The following CUL4B variants were observed in gnomAD, a reference collection of about 807,000 sequenced individuals.
The protein encoded by CUL4B is cullin-4B.
CUL4B carries 1 observed loss-of-function variant against 69.2 expected under a neutral mutation model. The observed-to-expected ratio is 0.01, with a 90% CI of 0.01 to 0.07. The LOEUF (loss-of-function observed/expected upper bound fraction) is 0.07. Among genes scored for constraint, CUL4B ranks in the 10% least tolerant of loss-of-function variants. CUL4B has a pLI of 1.00. For synonymous variants in CUL4B, 237 were observed against 223.2 expected, an observed-to-expected ratio of 1.06 and a Z score of -0.55; for missense variants, 328 against 638.8, an observed-to-expected ratio of 0.51 and a Z score of 5.24.
intron 2 of CUL4B, among the ~76,000 whole-genome samples, chrX:120,550,970 G>A (rs1000894946): frequency 9.0e-6 from 1 of 111,048 alleles, no homozygotes; most frequent in Admixed American, 9.5e-5. Flanking sequence ...AACTAATAAT[G>A]TCTGTCACAA....
intron 18 of CUL4B, among the ~76,000 whole-genome samples, chrX:120,531,229 G>T (rs1029129404): frequency 9.2e-6 from 1 of 109,027 alleles, no homozygotes; most frequent in Non-Finnish European, 1.9e-5. Context: ...GGCTGAGGCA[G>T]GATAATCGCT....
chrX:120,546,059 G>A (rs1924304282), intron 4 of CUL4B, among the ~76,000 whole-genome samples: 1 of 111,444 alleles, frequency 9.0e-6, no homozygotes, highest in African/African-American at 3.3e-5. Context: ...AGTGACAGAC[G>A]AAATGTAGCT....
At chrX:120,564,512 A>T (rs1925434718), upstream of CUL4B, among the ~76,000 whole-genome samples, 1 of 111,699 alleles carries the variant, frequency 9.0e-6, no homozygotes, top group Non-Finnish European at 1.9e-5. Context: ...AGGATAAGGC[A>T]GAAGAATCGC....
chrX:120,559,670 G>T, intron 1 of CUL4B: 1 of 457,928 alleles, frequency 2.2e-6, no homozygotes, highest in Non-Finnish European at 3.3e-6. Flanking sequence ...TGCATTTCTA[G>T]GCATTGGATA....
chrX:120,534,252 T>A (rs367642288), intron 17 of CUL4B, among the ~76,000 whole-genome samples: 102 of 106,288 alleles, frequency 9.6e-4, no homozygotes, highest in African/African-American at 3.5e-3. Flanking sequence ...CATGCACTTG[T>A]AGTCCCATCT....
chrX:120,526,741 A>G lies in CUL4B; in HGVS notation c.*20T>C. On this transcript the variant is annotated 3_prime_UTR_variant, in exon 20 of 20. Coordinates refer to ENST00000371322, the MANE Select transcript of CUL4B (RefSeq NM_001079872.2). ...CCACTGGCTACTGCATATGACACCAAATGCTGCAAGGCCAACATTCTATGC... is the reference window on the plus strand; with the variant it reads ...CCACTGGCTACTGCATATGACACCAGATGCTGCAAGGCCAACATTCTATGC... The G allele has an allele frequency of 9.3e-7, 1 of 1,078,826 alleles. No individual in the cohort carries two copies. Among genetic ancestry groups the G allele is most frequent in the South Asian group, 1.8e-5 (1 of 54,136 alleles). 88.9% of individuals were successfully genotyped at this position (1,078,826 alleles called of 1,213,427 possible).
At chrX:120,566,232 C>G (rs1925509018), upstream of CUL4B, among the ~76,000 whole-genome samples, 1 of 104,230 alleles carries the variant, frequency 9.6e-6, no homozygotes, top group Non-Finnish European at 2.0e-5. Context: ...TCATCAGTTT[C>G]CCATCCTGAG....
intron 16 of CUL4B, 31 bp downstream of exon 16, chrX:120,535,799 A>G (rs1196599983): frequency 1.1e-6 from 1 of 936,506 alleles, no homozygotes; most frequent in African/African-American, 1.9e-5. Flanking sequence ...GATAAAGATG[A>G]AAACTAAAAG....
chrX:120,560,860 G>A lies in CUL4B; in HGVS notation c.-222C>T. On this transcript the variant is annotated 5_prime_UTR_variant, in exon 1 of 20. Coordinates refer to ENST00000371322, the MANE Select transcript of CUL4B (RefSeq NM_001079872.2). Reference sequence around the variant, plus strand: ...CACCAGGAGTGAGCAGAACGAGGGGGGAGAGCGAATGAGGAGGCAGACAGG... The same window carrying A: ...CACCAGGAGTGAGCAGAACGAGGGGAGAGAGCGAATGAGGAGGCAGACAGG... 1.3e-6 allele frequency: 1 copy of A among 753,450 alleles called. No individual in the cohort carries two copies. Among genetic ancestry groups the A allele is most frequent in the South Asian group, 6.8e-5 (1 of 14,769 alleles). 62.1% of individuals were successfully genotyped at this position (753,450 alleles called of 1,213,427 possible). A position where few individuals can be genotyped will look rare whatever the true frequency, so the allele number is the denominator to read the frequency against.
At position 120,532,403 on chromosome X, in the gene CUL4B, G is replaced by A. The variant is rs752209980; in HGVS notation, c.2439+19C>T. ...TATAATTCCAGTGTGTTAGGACTAA[G>A]AGAAAGTGAAAGAAATACCGTTTCT... On this transcript the variant is annotated intron_variant, in intron 18 of 19. Transcript: ENST00000371322. 2.6e-6 allele frequency: 3 copies of A among 1,163,822 alleles called. No homozygotes were observed. Among genetic ancestry groups the A allele is most frequent in the Admixed American group, 4.4e-5 (2 of 45,671 alleles).
rs1290223041 is a variant in CUL4B, at chrX:120,530,135, T to C, written c.2559A>G (p.Ser853=). The C allele has an allele frequency of 8.3e-7, 1 of 1,210,848 alleles. No individual in the cohort carries two copies. Among genetic ancestry groups the C allele is most frequent in the East Asian group, 3.0e-5 (1 of 33,782 alleles). ...RKTLSHNLLV[S]EVYNQLKFPV... is the part of the protein sequence containing the mutation. The stretch of plus-strand genomic sequence containing the variant: ...GAAATTTCAACTGGTTGTACACTTC[T>C]GAAACAAGGAGATTGTGGCTAAGTG... Residue 853 remains serine, a synonymous_variant, in exon 19 of 20, where the codon TCA becomes TCG. Transcript: ENST00000371322.
In CUL4B at chrX:120,526,302, C is replaced by A. The variant is rs918787272; in HGVS notation, c.*459G>T. On this transcript the variant is annotated 3_prime_UTR_variant, in exon 20 of 20. Coordinates refer to ENST00000371322, the MANE Select transcript of CUL4B (RefSeq NM_001079872.2). ...TCACAAAACGGGTGAACAACCAAGT[C>A]AAGGGTGGTTTTTCTATTTGATAAA... 8.8e-6 allele frequency: 1 copy of A among 114,261 alleles called. No homozygotes were observed. Among genetic ancestry groups the A allele is most frequent in the Admixed American group, 9.3e-5 (1 of 10,783 alleles). The allele number at this position is 114,261 out of a possible 1,213,427, so 9.4% of individuals were successfully genotyped here.
In CUL4B at chrX:120,560,631, G is replaced by A; in HGVS notation, c.8C>T (p.Pro3Leu). 8.3e-7 allele frequency: 1 copy of A among 1,202,705 alleles called. No homozygotes were observed. Among genetic ancestry groups the A allele is most frequent in the South Asian group, 1.8e-5 (1 of 56,644 alleles). MF[P>L]TGFSSPSPSA... is the part of the protein sequence containing the mutation. ...GGGACTGGGGGAAGAAAAACCTGTTGGAAACATGAAAATAGCGGGGTCAAC... is the reference window on the plus strand; with the variant it reads ...GGGACTGGGGGAAGAAAAACCTGTTAGAAACATGAAAATAGCGGGGTCAAC... Residue 3 changes from proline (P) to leucine (L), a missense_variant, in exon 1 of 20, where the codon CCA (proline) becomes CTA (leucine). Pro to Leu is a moderately conservative substitution (Grantham distance 98). Coordinates refer to ENST00000371322, the MANE Select transcript of CUL4B (RefSeq NM_001079872.2).
chrX:120,567,986 G>A (rs1273237864), downstream of CUL4B, among the ~76,000 whole-genome samples: 1 of 111,884 alleles, frequency 8.9e-6, no homozygotes, highest in Non-Finnish European at 1.9e-5. Flanking sequence ...ATAAGCACTT[G>A]TATTCCGTTT....
intron 13 of CUL4B, 183 bp downstream of exon 13, chrX:120,538,477 T>A: frequency 2.4e-6 from 1 of 411,282 alleles, no homozygotes; most frequent in Non-Finnish European, 4.1e-6. Flanking sequence ...TGCTTTATCT[T>A]AAAAAAAACA....
At chrX:120,559,365 A>G (rs6655533) in intron 1 of CUL4B, among the ~76,000 whole-genome samples, 5,896 of 111,992 alleles carry the variant, frequency 0.053, 360 homozygotes, top group African/African-American at 0.18. Flanking sequence ...CTCTCCTCAC[A>G]TATCTCAAAC....
intron 8 of CUL4B, among the ~76,000 whole-genome samples, chrX:120,543,495 A>AACACAC (rs60058698): frequency 4.5e-4 from 44 of 98,176 alleles, no homozygotes; most frequent in African/African-American, 1.1e-3. Context: ...TTACCTTCTA[A>AACACAC]ACACACACAC....
upstream of CUL4B, among the ~76,000 whole-genome samples, chrX:120,563,273 G>A (rs1430570792): frequency 1.8e-5 from 2 of 111,676 alleles, no homozygotes; most frequent in African/African-American, 3.3e-5. Context: ...TTGCTGTGTC[G>A]CCCAGGCTGG....
chrX:120,550,144 CACTG>C (rs1434821161), intron 2 of CUL4B, among the ~76,000 whole-genome samples: 3 of 112,095 alleles, frequency 2.7e-5, no homozygotes, highest in Non-Finnish European at 5.6e-5. Context: ...CATCATACCA[CACTG>C]ACTTAGTCAT....
Sources: allele counts gnomAD v4.1 joint callset (sites outside exome capture counted in the v4.1 genomes callset), GRCh38; gene constraint gnomAD v4.1.1; transcripts MANE v1.5; gene names NCBI Gene and HGNC (gene_info 2026-07-23, HGNC 2026-07-21).